The following ENDOD1 variants were observed in gnomAD, a reference collection of about 807,000 sequenced individuals.
The protein encoded by ENDOD1 is endonuclease domain containing 1.
Under a neutral mutation model 6.5 loss-of-function variants are expected in ENDOD1, and 9 were observed. The observed-to-expected ratio is 1.39, with a 90% CI of 0.84 to 2.43. The LOEUF (loss-of-function observed/expected upper bound fraction) is 2.43, where lower values mean the gene tolerates loss of function less well. Ranked by LOEUF, ENDOD1 falls within the 30% of genes most tolerant of loss-of-function variation. The pLI is 0.00. For synonymous variants in ENDOD1, 255 were observed against 255.2 expected, an observed-to-expected ratio of 1.00 and a Z score of 0.01; for missense variants, 648 against 635.5, an observed-to-expected ratio of 1.02 and a Z score of -0.21.
Position 95,128,567 on chromosome 11 carries a change from C to G in ENDOD1, c.491C>G (p.Ala164Gly), listed in dbSNP as rs1296378628. Residue 164 changes from alanine to glycine, a missense_variant, in exon 2 of 2, where the codon GCC (alanine) becomes GGC (glycine). Coordinates refer to ENST00000278505, the MANE Select transcript of ENDOD1 (RefSeq NM_015036.3). ...QVATFTLTNS[A>G]PMTQSFQERW... ...GCCACATTTACTCTCACAAATTCAG[C>G]CCCAATGACTCAGTCCTTCCAGGAA... 6.2e-7 allele frequency: 1 copy of G among 1,614,220 alleles called. No homozygotes were observed. The highest frequency in any genetic ancestry group is 1.1e-5 in the South Asian group (1 of 91,080).
chr11:95,120,908 T>C (rs1376236456), intron 1 of ENDOD1, among the ~76,000 whole-genome samples: 2 of 152,174 alleles, frequency 1.3e-5, no homozygotes, highest in Non-Finnish European at 2.9e-5. Context: ...TGGGCAGGCA[T>C]TAGCTGAGTT....
chr11:95,129,937 C>A lies in ENDOD1; in HGVS notation c.*358C>A. ...AACTAGAAAAAGAACAACTTTAGAC[C>A]AAAGGTGTCTGAGAAAAGGAGAAAG... is the stretch of plus-strand genomic sequence containing the variant. On this transcript the variant is annotated 3_prime_UTR_variant, in exon 2 of 2. Coordinates refer to ENST00000278505, the MANE Select transcript of ENDOD1 (RefSeq NM_015036.3). 5.7e-6 allele frequency: 1 copy of A among 174,346 alleles called. No homozygotes were observed. Among genetic ancestry groups the A allele is most frequent in the Non-Finnish European group, 1.2e-5 (1 of 81,868 alleles). The allele number at this position is 174,346 out of a possible 1,614,324, so 10.8% of individuals were successfully genotyped here.
At chr11:95,117,209 A>T (rs914492590) in intron 1 of ENDOD1, among the ~76,000 whole-genome samples, 4 of 152,246 alleles carry the variant, frequency 2.6e-5, no homozygotes, top group Non-Finnish European at 5.9e-5. Flanking sequence ...CAGGAGTTCC[A>T]GACCAGCCTG....
intron 1 of ENDOD1, among the ~76,000 whole-genome samples, chr11:95,108,560 A>C (rs568802328): frequency 2.8e-4 from 42 of 152,114 alleles, no homozygotes; most frequent in Admixed American, 7.2e-4. Context: ...AAAAATGAGC[A>C]TTCCCCTAAT....
At chr11:95,126,247 G>C (rs1439866326) in intron 1 of ENDOD1, among the ~76,000 whole-genome samples, 2 of 152,214 alleles carry the variant, frequency 1.3e-5, no homozygotes, top group African/African-American at 4.8e-5. Context: ...CCATTGCAGA[G>C]CCAGAGAGAT....
At position 95,089,945 on chromosome 11, in the gene ENDOD1, G is replaced by C; in HGVS notation, c.18G>C (p.Trp6Cys). Residue 6 changes from tryptophan to cysteine, a missense_variant, in exon 1 of 2, where the codon TGG (tryptophan) becomes TGC (cysteine). Transcript: ENST00000278505. ...AGGCCGCCATGGGCACCGCGCGCTG[G>C]CTCGCGCTGGGCAGCCTCTTCGCCC... MGTAR[W>C]LALGSLFALA... 1 of 1,459,626 alleles carries C rather than the reference G, an allele frequency of 6.9e-7. No homozygotes were observed. The highest frequency in any genetic ancestry group is 1.3e-5 in the South Asian group (1 of 74,508). 90.4% of individuals were successfully genotyped at this position (1,459,626 alleles called of 1,614,324 possible). A position where few individuals can be genotyped will look rare whatever the true frequency, so the allele number is the denominator to read the frequency against.
At chr11:95,105,042 A>G (rs149743179) in intron 1 of ENDOD1, among the ~76,000 whole-genome samples, 2 of 152,152 alleles carry the variant, frequency 1.3e-5, no homozygotes, top group African/African-American at 4.8e-5. Context: ...ATGCTACTCT[A>G]TCAGAGACAG....
At chr11:95,092,962 A>C (rs1246091815) in intron 1 of ENDOD1, among the ~76,000 whole-genome samples, 1 of 152,232 alleles carries the variant, frequency 6.6e-6, no homozygotes, top group Non-Finnish European at 1.5e-5. Flanking sequence ...CAGGAGACCA[A>C]AGGAACTCAG....
intron 1 of ENDOD1, among the ~76,000 whole-genome samples, chr11:95,104,561 A>G (rs1365847215): frequency 6.6e-6 from 1 of 151,972 alleles, no homozygotes; most frequent in African/African-American, 2.4e-5. Flanking sequence ...TCATATCCCT[A>G]TTCCCTCAAA....
At chr11:95,102,702 G>A (rs1270138578) in intron 1 of ENDOD1, among the ~76,000 whole-genome samples, 3 of 146,738 alleles carry the variant, frequency 2.0e-5, no homozygotes, top group Non-Finnish European at 4.5e-5. Context: ...AAACAAAGAA[G>A]TGCTAAGCTT....
In ENDOD1 at chr11:95,130,022, C is replaced by A. The variant is rs503612; in HGVS notation, c.*443C>A. On this transcript the variant is annotated 3_prime_UTR_variant, in exon 2 of 2. Coordinates refer to ENST00000278505, the MANE Select transcript of ENDOD1 (RefSeq NM_015036.3). ...AGGCAAAACAGATTAAAAAAAAAATCTGCAGCCAATTTCTTGGCATTTGCT... is the reference window on the plus strand; with the variant it reads ...AGGCAAAACAGATTAAAAAAAAAATATGCAGCCAATTTCTTGGCATTTGCT... The A allele has an allele frequency of 0.4, 61,538 of 153,010 alleles. 12,881 individuals carry two copies. The highest frequency in any genetic ancestry group is 0.63 in the East Asian group (3,249 of 5,170). 9.5% of individuals were successfully genotyped at this position (153,010 alleles called of 1,614,324 possible).
intron 1 of ENDOD1, among the ~76,000 whole-genome samples, chr11:95,097,063 G>C (rs1409468764): frequency 1.3e-5 from 2 of 151,822 alleles, no homozygotes; most frequent in Non-Finnish European, 2.9e-5. Context: ...GCTAAGGTGG[G>C]AGGATCATTT....
At position 95,128,425 on chromosome 11, in the gene ENDOD1, G is replaced by A; in HGVS notation, c.349G>A (p.Ala117Thr). 2 of 1,614,132 alleles carry A rather than the reference G, an allele frequency of 1.2e-6. No homozygotes were observed. The highest frequency in any genetic ancestry group is 8.5e-7 in the Non-Finnish European group (1 of 1,180,006). The stretch of plus-strand genomic sequence containing the variant: ...TGAGGAGGCGATTAATGAGGCAGAG[G>A]CCATCACCTCTGTGAACAGCCTGGG... ...NLEEAINEAE[A>T]ITSVNSLGSK... Residue 117 changes from alanine to threonine, a missense_variant, in exon 2 of 2, where the codon GCC becomes ACC. Physicochemically the swap from Ala to Thr is moderately conservative, Grantham distance 58. Coordinates refer to ENST00000278505, the MANE Select transcript of ENDOD1 (RefSeq NM_015036.3).
At position 95,129,085 on chromosome 11, in the gene ENDOD1, A is replaced by G; in HGVS notation, c.1009A>G (p.Thr337Ala). Residue 337 changes from threonine (T) to alanine (A), a missense_variant, in exon 2 of 2, where the codon ACC (threonine) becomes GCC (alanine). Transcript: ENST00000278505. ...GGGAAAACTCATGGGCTTCATTGCT[A>G]CCCCATTCATCAAGCTTTTTCAATT... The part of the protein sequence containing the change: ...FLGKLMGFIA[T>A]PFIKLFQLIY... 1 of 1,613,990 alleles carries G rather than the reference A, an allele frequency of 6.2e-7. No individual in the cohort carries two copies.
At chr11:95,109,949 T>C (rs782385299) in intron 1 of ENDOD1, among the ~76,000 whole-genome samples, 8 of 152,240 alleles carry the variant, frequency 5.3e-5, no homozygotes, top group Non-Finnish European at 7.3e-5. Flanking sequence ...CCTAGGCCAG[T>C]TCTTTTTCTG....
intron 1 of ENDOD1, among the ~76,000 whole-genome samples, chr11:95,100,400 T>A (rs1292368916): frequency 2.0e-5 from 3 of 152,208 alleles, no homozygotes; most frequent in Non-Finnish European, 2.9e-5. Context: ...TTATCCTGCA[T>A]AATCTGTGTC....
intron 1 of ENDOD1, among the ~76,000 whole-genome samples, chr11:95,127,305 T>G (rs1008024311): frequency 2.6e-5 from 4 of 151,878 alleles, no homozygotes; most frequent in Non-Finnish European, 5.9e-5. Context: ...TAAATAATAT[T>G]GAATTTTTTT....
At chr11:95,099,474 C>G (rs1227895079) in intron 1 of ENDOD1, among the ~76,000 whole-genome samples, 1 of 152,236 alleles carries the variant, frequency 6.6e-6, no homozygotes, top group Non-Finnish European at 1.5e-5. Context: ...CAGAGCTCCG[C>G]TCCTTGAGCA....
At chr11:95,123,873 G>A (rs1859286655) in intron 1 of ENDOD1, among the ~76,000 whole-genome samples, 1 of 152,068 alleles carries the variant, frequency 6.6e-6, no homozygotes, top group African/African-American at 2.4e-5. Context: ...CTCAGAAGCT[G>A]GTCCCAATTC....
Sources: allele counts gnomAD v4.1 joint callset (sites outside exome capture counted in the v4.1 genomes callset), GRCh38; gene constraint gnomAD v4.1.1; transcripts MANE v1.5; gene names NCBI Gene and HGNC (gene_info 2026-07-23, HGNC 2026-07-21).